FSTL4: variants seen among roughly 807,000 people sequenced by gnomAD.
The protein encoded by FSTL4 is follistatin like 4.
In FSTL4, 28 loss-of-function variants were observed where a neutral mutation model predicts 78.2. The ratio of observed to expected loss-of-function variants is 0.36; its 90% CI spans 0.27 to 0.49. The LOEUF (loss-of-function observed/expected upper bound fraction) is 0.49, where lower values mean the gene tolerates loss of function less well. FSTL4 is among the 20% of genes least tolerant of loss of function. FSTL4 has a pLI of 0.98. For synonymous variants in FSTL4, 422 were observed against 440.5 expected, an observed-to-expected ratio of 0.96 and a Z score of 0.53; for missense variants, 922 against 1,084.9, an observed-to-expected ratio of 0.85 and a Z score of 2.11.
the FSTL4 span, among the ~76,000 whole-genome samples, chr5:133,729,877 C>A: frequency 6.6e-6 from 1 of 152,134 alleles, no homozygotes; most frequent in Non-Finnish European, 1.5e-5. Context: ...TTGAGAGGAA[C>A]GAGTCTCTCA....
chr5:133,653,800 A>G, the FSTL4 span, among the ~76,000 whole-genome samples: 1 of 152,242 alleles, frequency 6.6e-6, no homozygotes, highest in Non-Finnish European at 1.5e-5. Flanking sequence ...TAATCTGAAT[A>G]AACACATGCA....
chr5:133,657,396 C>T, the FSTL4 span, among the ~76,000 whole-genome samples: 1 of 152,156 alleles, frequency 6.6e-6, no homozygotes, highest in African/African-American at 2.4e-5. Context: ...ATCCAAGTGA[C>T]CATGTTATAT....
intron 7 of FSTL4, among the ~76,000 whole-genome samples, chr5:133,240,233 T>A (rs1337226833): frequency 1.3e-5 from 2 of 152,078 alleles, no homozygotes; most frequent in Non-Finnish European, 2.9e-5. Context: ...ACTGTGACAC[T>A]CACTGCGAGG....
At chr5:133,827,610 T>C in the FSTL4 span, among the ~76,000 whole-genome samples, 1 of 152,032 alleles carries the variant, frequency 6.6e-6, no homozygotes, top group South Asian at 2.1e-4. Flanking sequence ...AGAGTTTTTC[T>C]TAAGACCAGA....
the FSTL4 span, among the ~76,000 whole-genome samples, chr5:133,831,262 G>C: frequency 6.6e-6 from 1 of 152,136 alleles, no homozygotes; most frequent in Admixed American, 6.5e-5. Flanking sequence ...AAACAGCAAG[G>C]TGCATCCAGG....
At chr5:133,200,074 C>T (rs139595728) in intron 15 of FSTL4, among the ~76,000 whole-genome samples, 4 of 152,340 alleles carry the variant, frequency 2.6e-5, no homozygotes, top group African/African-American at 9.6e-5. Context: ...GCGAGAGGCG[C>T]TTCAACTGCT....
chr5:133,522,557 A>C (rs1759001728), intron 3 of FSTL4, among the ~76,000 whole-genome samples: 1 of 152,230 alleles, frequency 6.6e-6, no homozygotes. Flanking sequence ...AAATCATGAT[A>C]TAATGCTGAT....
chr5:133,731,177 C>G, the FSTL4 span, among the ~76,000 whole-genome samples: 2 of 152,132 alleles, frequency 1.3e-5, no homozygotes, highest in African/African-American at 2.4e-5. Flanking sequence ...CTGGAAAGCT[C>G]TCTCGGGGAG....
chr5:133,284,685 G>C (rs1345277361), intron 6 of FSTL4, among the ~76,000 whole-genome samples: 1 of 152,180 alleles, frequency 6.6e-6, no homozygotes, highest in African/African-American at 2.4e-5. Context: ...GAAGATTCAG[G>C]CATCCAAGAT....
chr5:133,379,491 T>C (rs1422325633), intron 4 of FSTL4, among the ~76,000 whole-genome samples: 1 of 151,978 alleles, frequency 6.6e-6, no homozygotes, highest in Non-Finnish European at 1.5e-5. Context: ...GGACAGACCA[T>C]ATACTAGACC....
At chr5:133,717,098 T>A in the FSTL4 span, among the ~76,000 whole-genome samples, 1 of 152,342 alleles carries the variant, frequency 6.6e-6, no homozygotes, top group Admixed American at 6.5e-5. Flanking sequence ...TGGGGGTTTA[T>A]CATCACAGAC....
chr5:133,695,621 C>T, the FSTL4 span, among the ~76,000 whole-genome samples: 1 of 152,166 alleles, frequency 6.6e-6, no homozygotes, highest in African/African-American at 2.4e-5. Context: ...TGCCACTGAA[C>T]CCAACATTCA....
chr5:133,430,364 G>C (rs1018188528), intron 3 of FSTL4, among the ~76,000 whole-genome samples: 1 of 152,128 alleles, frequency 6.6e-6, no homozygotes, highest in East Asian at 1.9e-4. Context: ...CAGAGGTTAG[G>C]GTTAATGAAA....
chr5:133,645,263 A>G, the FSTL4 span, among the ~76,000 whole-genome samples: 1 of 152,158 alleles, frequency 6.6e-6, no homozygotes, highest in Non-Finnish European at 1.5e-5. Flanking sequence ...ATATGAAACT[A>G]TACTATGAAA....
At chr5:133,609,639 T>C (rs1761049645) in intron 1 of FSTL4, among the ~76,000 whole-genome samples, 1 of 152,264 alleles carries the variant, frequency 6.6e-6, no homozygotes. Flanking sequence ...TTGCATTTCC[T>C]ATTAATTATC....
At chr5:133,648,961 C>T in the FSTL4 span, among the ~76,000 whole-genome samples, 3 of 152,234 alleles carry the variant, frequency 2.0e-5, no homozygotes, top group East Asian at 5.8e-4. Flanking sequence ...GACATGTATC[C>T]ACTATTATAG....
intron 3 of FSTL4, among the ~76,000 whole-genome samples, chr5:133,542,858 T>C (rs1022940935): frequency 1.7e-4 from 26 of 152,120 alleles, no homozygotes; most frequent in African/African-American, 6.0e-4. Flanking sequence ...CTTGACATAG[T>C]TTTGTTAGAT....
At chr5:133,491,452 T>C (rs573157660) in intron 3 of FSTL4, among the ~76,000 whole-genome samples, 6 of 151,176 alleles carry the variant, frequency 4.0e-5, no homozygotes, top group Admixed American at 2.6e-4. Flanking sequence ...CAGGCTGGAG[T>C]GCAGTGGAAC....
chr5:133,700,172 C>T, the FSTL4 span, among the ~76,000 whole-genome samples: 8 of 151,938 alleles, frequency 5.3e-5, no homozygotes, highest in African/African-American at 1.9e-4. Flanking sequence ...TGAACCACCA[C>T]ACCAAACCAT....
Sources: gnomAD v4.1 joint callset for allele counts (sites outside exome capture counted in the v4.1 genomes callset) on GRCh38, gnomAD v4.1.1 for gene constraint, MANE v1.5 for transcripts, NCBI Gene and HGNC (gene_info 2026-07-23, HGNC 2026-07-21) for gene names.